Variants in TMEM165 observed in about 807,000 individuals in gnomAD.
TMEM165 encodes putative divalent cation/proton antiporter TMEM165.
Under a neutral mutation model 30.0 loss-of-function variants are expected in TMEM165, and 19 were observed. That is an observed-to-expected ratio of 0.63 (90% CI 0.44 to 0.93). TMEM165 has a LOEUF of 0.93. TMEM165 is among the 40% of genes least tolerant of loss of function. The pLI is 0.00. For missense variants in TMEM165, 340 were observed against 417.0 expected, an observed-to-expected ratio of 0.82 and a Z score of 1.61; for synonymous variants, 168 against 162.9, an observed-to-expected ratio of 1.03 and a Z score of -0.24.
chr4:55,431,756 C>CT (rs1722518945), intron 3 of TMEM165: 1 of 152,230 alleles, frequency 6.6e-6, no homozygotes, highest in Non-Finnish European at 1.5e-5. Context: ...TTGCATTCCA[C>CT]TTTTAAAAAG....
At chr4:55,415,518 C>T (rs1721685398) in intron 2 of TMEM165, 1 of 152,170 alleles carries the variant, frequency 6.6e-6, no homozygotes, top group African/African-American at 2.4e-5. Context: ...AACCCAAGAT[C>T]TAGGTGCAAG....
chr4:55,418,871 A>G (rs1328658334), intron 4 of TMEM165, among the ~76,000 whole-genome samples: 2 of 151,872 alleles, frequency 1.3e-5, no homozygotes, highest in Non-Finnish European at 2.9e-5. Context: ...GCATGGAGAA[A>G]CCCCTACTAC....
At chr4:55,425,039 CTT>C (rs1018093634) in intron 5 of TMEM165, among the ~76,000 whole-genome samples, 3 of 152,168 alleles carry the variant, frequency 2.0e-5, no homozygotes, top group African/African-American at 7.2e-5. Flanking sequence ...AGAATCGTCT[CTT>C]TGCTAGTCAG....
intron 3 of TMEM165, among the ~76,000 whole-genome samples, chr4:55,436,216 T>C (rs1346540967): frequency 1.3e-5 from 2 of 152,164 alleles, no homozygotes; most frequent in African/African-American, 4.8e-5. Context: ...AAAAGCATCA[T>C]AAATATGAAG....
At chr4:55,398,530 G>A (rs1379440087) in intron 1 of TMEM165, among the ~76,000 whole-genome samples, 1 of 152,202 alleles carries the variant, frequency 6.6e-6, no homozygotes, top group African/African-American at 2.4e-5. Context: ...GATTTTAATG[G>A]TTTATTGGAT....
intron 3 of TMEM165, among the ~76,000 whole-genome samples, chr4:55,446,614 A>T (rs925469998): frequency 1.8e-4 from 28 of 152,226 alleles, no homozygotes; most frequent in Non-Finnish European, 2.9e-4. Flanking sequence ...GCATACATGA[A>T]TGAAAATAAA....
At position 55,425,623 on chromosome 4, in the gene TMEM165, A is replaced by G. The variant is rs1420633205; in HGVS notation, c.*171A>G. On this transcript the variant is annotated 3_prime_UTR_variant, in exon 6 of 6. Coordinates refer to ENST00000381334, the MANE Select transcript of TMEM165 (RefSeq NM_018475.5). ...ATAATCATTGATTCTATTTGTAACA[A>G]GGAGTTTTAAAAGAAACCTGACTTC... is the stretch of plus-strand genomic sequence containing the variant. 1.3e-5 allele frequency: 7 copies of G among 554,010 alleles called. No individual in the cohort carries two copies. Among genetic ancestry groups the G allele is most frequent in the Non-Finnish European group, 2.2e-5 (7 of 321,962 alleles). 34.3% of individuals were successfully genotyped at this position (554,010 alleles called of 1,614,324 possible). A position where few individuals can be genotyped will look rare whatever the true frequency, so the allele number is the denominator to read the frequency against.
chr4:55,400,243 A>T (rs866694785), intron 1 of TMEM165, among the ~76,000 whole-genome samples: 3 of 42,596 alleles, frequency 7.0e-5, no homozygotes, highest in Non-Finnish European at 1.1e-4. Context: ...AATGTAATTA[A>T]TATTATATTA....
intron 2 of TMEM165, among the ~76,000 whole-genome samples, chr4:55,413,308 A>G (rs891207584): frequency 3.3e-5 from 5 of 149,756 alleles, no homozygotes; most frequent in Admixed American, 3.3e-4. Context: ...TTAAATTTTT[A>G]TTTATTTATC....
At chr4:55,440,787 T>C (rs539401456) in intron 3 of TMEM165, among the ~76,000 whole-genome samples, 1 of 152,292 alleles carries the variant, frequency 6.6e-6, no homozygotes, top group South Asian at 2.1e-4. Context: ...CTCACACTTC[T>C]GCAGCTTTGT....
rs532235169 is a variant in TMEM165, at chr4:55,395,993, C to T, written c.-197C>T. 32 of 400,328 alleles carry T rather than the reference C, an allele frequency of 8.0e-5. 2 individuals carry two copies. The South Asian group carries it at 2.1e-3, about 26-fold the overall frequency. 24.8% of individuals were successfully genotyped at this position (400,328 alleles called of 1,614,324 possible). A position where few individuals can be genotyped will look rare whatever the true frequency, so the allele number is the denominator to read the frequency against. On this transcript the variant is annotated 5_prime_UTR_variant, in exon 1 of 6. Transcript: ENST00000381334. Reference sequence around the variant, plus strand: ...AGCCGCCGCCGGAGAGGACGGGCGCCGAGCCGGGGCTGCGGACTTCGGCCT... The same window carrying T: ...AGCCGCCGCCGGAGAGGACGGGCGCTGAGCCGGGGCTGCGGACTTCGGCCT...
chr4:55,439,294 A>C (rs2109655534), intron 3 of TMEM165, among the ~76,000 whole-genome samples: 1 of 152,320 alleles, frequency 6.6e-6, no homozygotes, highest in Non-Finnish European at 1.5e-5. Flanking sequence ...GGGAAATACA[A>C]ATCAAAACCA....
chr4:55,425,553 T>C lies in TMEM165; in HGVS notation c.*101T>C, dbSNP rs1722160969. 1 of 904,646 alleles carries C rather than the reference T, an allele frequency of 1.1e-6. No individual in the cohort carries two copies. The highest frequency in any genetic ancestry group is 1.7e-6 in the Non-Finnish European group (1 of 581,530). 56.0% of individuals were successfully genotyped at this position (904,646 alleles called of 1,614,324 possible). Reference sequence around the variant, plus strand: ...AAAGTGATGGAAAAATACTGTATTTTGTAGCACTGATTTTGTGAGTTTGAC... The same window carrying C: ...AAAGTGATGGAAAAATACTGTATTTCGTAGCACTGATTTTGTGAGTTTGAC... On this transcript the variant is annotated 3_prime_UTR_variant, in exon 6 of 6. Transcript: ENST00000381334.
chr4:55,400,618 T>A (rs934181923), intron 1 of TMEM165, among the ~76,000 whole-genome samples: 3 of 148,558 alleles, frequency 2.0e-5, no homozygotes, highest in African/African-American at 7.7e-5. Flanking sequence ...TTTGTATTTT[T>A]AGTAGAGACG....
chr4:55,407,587 A>AC (rs1721321733), intron 1 of TMEM165, among the ~76,000 whole-genome samples: 1 of 152,150 alleles, frequency 6.6e-6, no homozygotes. Context: ...TATGTGGCCT[A>AC]CCTTTGTGGC....
chr4:55,448,593 CACGCGCGCGTGTGT>C (rs1358502137), intron 3 of TMEM165, among the ~76,000 whole-genome samples: 52 of 64,924 alleles, frequency 8.0e-4, no homozygotes, highest in Middle Eastern at 7.2e-3. Context: ...TGCGCGCGCG[CACGCGCGCGTGTGT>C]GTGTGTGTGT....
At chr4:55,453,171 T>C in exon 4 of TMEM165, 1 of 1,459,716 alleles carries the variant, frequency 6.9e-7, no homozygotes, top group East Asian at 2.3e-5. Context: ...GTCTGGTCAT[T>C]CGTTTAAAAT....
chr4:55,420,338 A>G (rs570129168), intron 4 of TMEM165, among the ~76,000 whole-genome samples: 27 of 151,012 alleles, frequency 1.8e-4, no homozygotes, highest in Admixed American at 1.1e-3. Flanking sequence ...CATAGACTCT[A>G]TGCCATAGAG....
Position 55,424,642 on chromosome 4 carries a change from TG to T in TMEM165, c.898+1del. 6.3e-7 allele frequency: 1 copy of T among 1,574,994 alleles called. No individual in the cohort carries two copies. Among genetic ancestry groups the T allele is most frequent in the Non-Finnish European group, 8.7e-7 (1 of 1,144,258 alleles). On this transcript the variant is annotated frameshift_variant and splice_region_variant, in exon 5 of 6. Transcript: ENST00000381334. LOFTEE classifies it high-confidence loss of function. ...TAGCACAGAAAATCTCTGTCAGAAC[TG>T]GTAAGTCTTGAAAATTACAAATCAG... ...MIAQKISVRT[V>X]TIIGGIVFLA...
Sources: gnomAD v4.1 joint callset for allele counts (sites outside exome capture counted in the v4.1 genomes callset) on GRCh38, gnomAD v4.1.1 for gene constraint, MANE v1.5 for transcripts, NCBI Gene and HGNC (gene_info 2026-07-23, HGNC 2026-07-21) for gene names.